The following IQCH variants were observed in gnomAD, a reference collection of about 807,000 sequenced individuals.
The protein encoded by IQCH is IQ motif containing H.
A neutral mutation model predicts 117.0 loss-of-function variants in IQCH; 98 were observed. The observed-to-expected ratio is 0.84, with a 90% CI of 0.71 to 0.99. IQCH has a LOEUF of 0.99. Ranked by LOEUF, IQCH falls within the 50% of genes least tolerant of loss-of-function variation. The pLI is 0.00. For synonymous variants in IQCH, 412 were observed against 448.2 expected (o/e 0.92, Z 1.02); for missense variants, 1,102 against 1,243.8 (o/e 0.89, Z 1.72).
chr15:67,403,249 C>CAA lies in IQCH; in HGVS notation c.2097+2957_2097+2958dup, dbSNP rs774304176. On this transcript the variant is annotated intron_variant, in intron 14 of 20. Coordinates refer to ENST00000335894, the MANE Select transcript of IQCH (RefSeq NM_001031715.3). This position sits in a 1 kb window ranked among gnomAD's most constrained non-coding sequence, Gnocchi z 4.8. ...TGGGCGACAGAGTGAGACACTGTCT[C>CAA]AAAAAAAAAAAAAAGTCATCTCTTT... Among the ~76,000 whole-genome samples the CAA allele has an allele frequency of 8.5e-6, 1 of 118,330 alleles. No homozygotes were observed. The highest frequency in any genetic ancestry group is 1.8e-5 in the Non-Finnish European group (1 of 55,380). The allele number at this position is 118,330 out of a possible 152,430, so 77.6% of individuals were successfully genotyped here. A position where few individuals can be genotyped will look rare whatever the true frequency, so the allele number is the denominator to read the frequency against.
At chr15:67,488,635 G>T (rs1596485708) in intron 18 of IQCH, among the ~76,000 whole-genome samples, 1 of 152,182 alleles carries the variant, frequency 6.6e-6, no homozygotes, top group Admixed American at 6.5e-5. Context: ...CTGGTTTCAT[G>T]GAAGACAATT....
In IQCH at chr15:67,425,771, T is replaced by C. The variant is rs2081873829; in HGVS notation, c.2505+4194T>C. ...CACTACCACTACGATAGTGGTAATT[T>C]TGTATTTCTGTGGAAAATTTTCTGG... On this transcript the variant is annotated intron_variant, in intron 16 of 20. Transcript: ENST00000335894. This position sits in a 1 kb window ranked among gnomAD's most constrained non-coding sequence, Gnocchi z 5.5. Among the ~76,000 whole-genome samples, 1 of 152,200 alleles carries C rather than the reference T, an allele frequency of 6.6e-6. No individual in the cohort carries two copies. Among genetic ancestry groups the C allele is most frequent in the Admixed American group, 6.5e-5 (1 of 15,272 alleles).
rs577399877 is a variant in IQCH at position 67,473,922 on chromosome 15, C to T, written c.2677-1774C>T. Among the ~76,000 whole-genome samples the T allele has an allele frequency of 2.0e-4, 31 of 152,226 alleles. No individual in the cohort carries two copies. Among genetic ancestry groups the T allele is most frequent in the African/African-American group, 7.5e-4 (31 of 41,522 alleles). On this transcript the variant is annotated intron_variant, in intron 17 of 20. Coordinates refer to ENST00000335894, the MANE Select transcript of IQCH (RefSeq NM_001031715.3). This position sits in a 1 kb window ranked among gnomAD's most constrained non-coding sequence, Gnocchi z 4.9. ...CTAACTCGTCTGTAGATGTGGACTC[C>T]ACTTGCATTTAGGATGAGCAGCCTT...
chr15:67,262,259 A>G (rs1965494075), intron 2 of IQCH, among the ~76,000 whole-genome samples: 1 of 152,222 alleles, frequency 6.6e-6, no homozygotes, highest in Admixed American at 6.5e-5. Flanking sequence ...AAAGAGATCT[A>G]AGGTCGGGGA....
rs1166072247 is a variant in IQCH, at chr15:67,472,965, T to A, written c.2677-2731T>A. On this transcript the variant is annotated intron_variant, in intron 17 of 20. Transcript: ENST00000335894. This position sits in a 1 kb window ranked among gnomAD's most constrained non-coding sequence, Gnocchi z 4.3. ...TACATGTTGTCTAGTAATCATGTAC[T>A]ACTGGACAGTAAGCTCTTCTGCTGT... 6.6e-6 allele frequency among the ~76,000 whole-genome samples: 1 copy of A among 152,212 alleles called. No homozygotes were observed. The highest frequency in any genetic ancestry group is 1.5e-5 in the Non-Finnish European group (1 of 68,026).
chr15:67,442,851 G>GAT (rs1339059737), intron 16 of IQCH, among the ~76,000 whole-genome samples: 3 of 143,304 alleles, frequency 2.1e-5, no homozygotes, highest in African/African-American at 8.1e-5. Flanking sequence ...TAGATAGATA[G>GAT]ATAGATAGAT....
intron 16 of IQCH, among the ~76,000 whole-genome samples, chr15:67,446,709 G>T (rs933191314): frequency 6.6e-6 from 1 of 152,140 alleles, no homozygotes; most frequent in Non-Finnish European, 1.5e-5. Context: ...CCACGTTTCT[G>T]GAAAGTGCCA....
chr15:67,421,067 C>A, intron 15 of IQCH: 1 of 558,160 alleles, frequency 1.8e-6, no homozygotes, highest in East Asian at 3.0e-5. Context: ...CTACAATATA[C>A]CAAGCGCTGG....
chr15:67,270,307 A>G (rs1965848244), intron 3 of IQCH, among the ~76,000 whole-genome samples: 1 of 152,204 alleles, frequency 6.6e-6, no homozygotes, highest in African/African-American at 2.4e-5. Context: ...CAGATCCTAG[A>G]GGAAAGGCAT....
At chr15:67,258,094 G>C (rs11631135) in intron 1 of IQCH, among the ~76,000 whole-genome samples, 68,465 of 151,558 alleles carry the variant, frequency 0.45, 15,904 homozygotes, top group Non-Finnish European at 0.52. Context: ...AGCTAGGTGT[G>C]GTGGCAGGCA....
intron 4 of IQCH, chr15:67,306,912 A>C: frequency 6.8e-7 from 1 of 1,477,062 alleles, no homozygotes. Flanking sequence ...GTTAGACTTT[A>C]TAATACAACA....
At chr15:67,261,236 G>T (rs775057238) in intron 1 of IQCH, 36 bp from the exon 2 acceptor site, 14 of 1,417,332 alleles carry the variant, frequency 9.9e-6, no homozygotes, top group Non-Finnish European at 1.3e-5. Flanking sequence ...ACTATGTGTG[G>T]ATTATTTCAA....
chr15:67,288,551 G>T (rs772421151), intron 4 of IQCH, among the ~76,000 whole-genome samples: 16 of 151,822 alleles, frequency 1.1e-4, no homozygotes, highest in Non-Finnish European at 1.8e-4. Flanking sequence ...TATTTTGTCT[G>T]GTATAGCTAC....
Position 67,430,813 on chromosome 15 carries a change from C to T in IQCH, c.2505+9236C>T, listed in dbSNP as rs1567182005. On this transcript the variant is annotated intron_variant, in intron 16 of 20. Transcript: ENST00000335894. The surrounding 1 kb of genome is among the most constrained non-coding windows in gnomAD (Gnocchi z 5.1). Reference sequence around the variant, plus strand: ...AAAGATGCAAAAGACATGGAAGTGCCTGCCCTTAGGGAGTTCACATTCTAG... The same window carrying T: ...AAAGATGCAAAAGACATGGAAGTGCTTGCCCTTAGGGAGTTCACATTCTAG... Among the ~76,000 whole-genome samples the T allele has an allele frequency of 6.6e-6, 1 of 152,142 alleles. No homozygotes were observed. The highest frequency in any genetic ancestry group is 6.5e-5 in the Admixed American group (1 of 15,276).
intron 4 of IQCH, among the ~76,000 whole-genome samples, chr15:67,333,902 C>A (rs1475072309): frequency 6.6e-6 from 1 of 151,852 alleles, no homozygotes; most frequent in Non-Finnish European, 1.5e-5. Context: ...ACAAAAAATA[C>A]AAAAAATTAA....
intron 6 of IQCH, among the ~76,000 whole-genome samples, chr15:67,347,078 A>G (rs1042186907): frequency 3.3e-5 from 5 of 152,042 alleles, no homozygotes; most frequent in African/African-American, 7.2e-5. Flanking sequence ...AAAAGAAGAA[A>G]TATCTCAGAT....
chr15:67,295,321 T>C (rs1241431645), intron 4 of IQCH, among the ~76,000 whole-genome samples: 4 of 152,208 alleles, frequency 2.6e-5, no homozygotes, highest in African/African-American at 9.6e-5. Flanking sequence ...AGACCATATT[T>C]TCCAGCTTCC....
rs980976941 is a variant in IQCH, at chr15:67,488,186, C to T, written c.2800-1817C>T. ...TACAAAACTTAGCTGGGTGTGGTGG[C>T]ACATGCCTGTGGTCCCAACTACTCA... is the stretch of plus-strand genomic sequence containing the variant. On this transcript the variant is annotated intron_variant, in intron 18 of 20. Transcript: ENST00000335894. 6.6e-5 allele frequency among the ~76,000 whole-genome samples: 10 copies of T among 152,176 alleles called. No homozygotes were observed. In the East Asian group the frequency reaches 1.6e-3, roughly 24 times the overall value.
Position 67,447,485 on chromosome 15 carries a change from A to G in IQCH, c.2506-17642A>G, listed in dbSNP as rs78529778. Among the ~76,000 whole-genome samples the G allele has an allele frequency of 6.6e-6, 1 of 152,310 alleles. No individual in the cohort carries two copies. The highest frequency in any genetic ancestry group is 1.9e-4 in the East Asian group (1 of 5,180). ...AAAGGTTCCCTTATGATAAGCATGT[A>G]GTACCTGGGACTCAACCCTCTACCA... On this transcript the variant is annotated intron_variant, in intron 16 of 20. Transcript: ENST00000335894. This position sits in a 1 kb window ranked among gnomAD's most constrained non-coding sequence, Gnocchi z 5.3.
Sources: allele counts gnomAD v4.1 joint callset (sites outside exome capture counted in the v4.1 genomes callset), GRCh38; gene constraint gnomAD v4.1.1; non-coding constraint Gnocchi (gnomAD v3.1); transcripts MANE v1.5; gene names NCBI Gene and HGNC (gene_info 2026-07-23, HGNC 2026-07-21).